Variants in PTPRQ observed in about 807,000 individuals in gnomAD.
PTPRQ encodes protein tyrosine phosphatase receptor type Q.
A neutral mutation model predicts 246.0 loss-of-function variants in PTPRQ; 199 were observed. That is an observed-to-expected ratio of 0.81 (90% CI 0.72 to 0.91). The LOEUF is 0.91. PTPRQ is among the 40% of genes least tolerant of loss of function. The probability of loss-of-function intolerance (pLI) is 0.00; values close to 1 mark genes in which losing one functional copy is unlikely to be tolerated. For missense variants in PTPRQ, 2,624 were observed against 2,528.4 expected, an observed-to-expected ratio of 1.04 and a Z score of -0.81; for synonymous variants, 869 against 853.2, an observed-to-expected ratio of 1.02 and a Z score of -0.32.
At chr12:80,653,433 T>C (rs1220652261) in intron 38 of PTPRQ, among the ~76,000 whole-genome samples, 1 of 152,224 alleles carries the variant, frequency 6.6e-6, no homozygotes, top group Non-Finnish European at 1.5e-5. Flanking sequence ...CTAATAACTA[T>C]ATGTTTGCTA....
chr12:80,563,697 C>T (rs1419546762), intron 25 of PTPRQ, among the ~76,000 whole-genome samples: 2 of 152,102 alleles, frequency 1.3e-5, no homozygotes, highest in Non-Finnish European at 2.9e-5. Context: ...TTTTGGCTCC[C>T]TACTAAGTCT....
In PTPRQ at chr12:80,648,282, G is replaced by A. The variant is rs568954516; in HGVS notation, c.5916-615G>A. Among the ~76,000 whole-genome samples the A allele has an allele frequency of 2.0e-5, 3 of 152,116 alleles. No homozygotes were observed. In the South Asian group the frequency reaches 6.2e-4, roughly 32 times the overall value. ...TGTGCATGACGTAAGTGTTATTAAT[G>A]ATACGCCCCTCTCTAAGTTTGTGTA... On this transcript the variant is annotated intron_variant, in intron 35 of 44. Transcript: ENST00000644991.
At chr12:80,556,562 A>T (rs961243475) in intron 25 of PTPRQ, among the ~76,000 whole-genome samples, 14 of 152,202 alleles carry the variant, frequency 9.2e-5, no homozygotes, top group African/African-American at 3.4e-4. Context: ...ATAGATCAAT[A>T]AAAGTCAGGT....
At chr12:80,574,504 C>G (rs1413837314) in intron 25 of PTPRQ, among the ~76,000 whole-genome samples, 1 of 151,972 alleles carries the variant, frequency 6.6e-6, no homozygotes, top group Admixed American at 6.6e-5. Flanking sequence ...TTCTTTCTTG[C>G]CTTCTACTGG....
intron 22 of PTPRQ, 115 bp downstream of exon 22, chr12:80,542,479 T>G: frequency 7.2e-7 from 1 of 1,390,370 alleles, no homozygotes; most frequent in South Asian, 1.6e-5. Flanking sequence ...TGTAACAGCC[T>G]TACCATTATA....
chr12:80,568,690 A>G (rs888861166), intron 25 of PTPRQ, among the ~76,000 whole-genome samples: 12 of 152,190 alleles, frequency 7.9e-5, no homozygotes, highest in Non-Finnish European at 7.3e-5. Flanking sequence ...GTTAGCCAAT[A>G]TGTGTCACAC....
At chr12:80,509,584 T>G (rs1895064873) in intron 16 of PTPRQ, among the ~76,000 whole-genome samples, 1 of 152,108 alleles carries the variant, frequency 6.6e-6, no homozygotes, top group Non-Finnish European at 1.5e-5. Flanking sequence ...AGCTGAGAAA[T>G]GTCATTCTAA....
intron 43 of PTPRQ, among the ~76,000 whole-genome samples, chr12:80,676,516 C>T (rs745989505): frequency 1.3e-5 from 2 of 152,166 alleles, no homozygotes; most frequent in Non-Finnish European, 2.9e-5. Context: ...GTGGCGCGTG[C>T]CTGTAATCCC....
intron 33 of PTPRQ, among the ~76,000 whole-genome samples, chr12:80,628,531 A>G (rs1472036509): frequency 3.9e-5 from 6 of 152,224 alleles, no homozygotes; most frequent in Admixed American, 3.3e-4. Flanking sequence ...GTTGTGCTTA[A>G]TAATTTTTAT....
chr12:80,498,174 A>AT (rs1217941669), intron 14 of PTPRQ, among the ~76,000 whole-genome samples: 1 of 152,010 alleles, frequency 6.6e-6, no homozygotes, highest in Non-Finnish European at 1.5e-5. Context: ...TGAAATAAGT[A>AT]TTTTTGAGAA....
chr12:80,546,507 A>G (rs1896309492), intron 23 of PTPRQ, 49 bp from the exon 24 acceptor site: 2 of 1,499,636 alleles, frequency 1.3e-6, no homozygotes, highest in South Asian at 1.3e-5. Flanking sequence ...CCATTGATGA[A>G]CAATTTTTTG....
chr12:80,532,564 T>C (rs1363355762), intron 17 of PTPRQ, among the ~76,000 whole-genome samples: 1 of 152,116 alleles, frequency 6.6e-6, no homozygotes, highest in African/African-American at 2.4e-5. Context: ...AGCTCTTCTG[T>C]AGTGTCCTGA....
chr12:80,661,811 T>C (rs1900644005), intron 39 of PTPRQ, among the ~76,000 whole-genome samples: 1 of 151,888 alleles, frequency 6.6e-6, no homozygotes, highest in Non-Finnish European at 1.5e-5. Context: ...AACCTTTACA[T>C]TTATAGAGCA....
At chr12:80,616,156 T>C (rs374320024) in intron 29 of PTPRQ, 44 bp from the exon 30 acceptor site, 3 of 1,404,448 alleles carry the variant, frequency 2.1e-6, no homozygotes, top group African/African-American at 3.0e-5. Flanking sequence ...CACACATACA[T>C]AAGCAATCAC....
rs142837585 is a variant in PTPRQ, at chr12:80,670,397, T to G, written c.6507T>G (p.His2169Gln). The change falls in exon 42 of 45, where the codon CAT becomes CAG. Residue 2169 changes from histidine (H) to glutamine (Q), a missense_variant. By Grantham distance (24) the His-to-Gln change is conservative. Coordinates refer to ENST00000644991, the MANE Select transcript of PTPRQ (RefSeq NM_001145026.2). ...GTAACTTTACTGCCTGGCCAGAGCA[T>G]GGGGTTCCTGAGAACAGCGCCCCTC... The part of the protein sequence containing the change: ...RQCNFTAWPE[H>Q]GVPENSAPLI... 4 of 1,551,142 alleles carry G rather than the reference T, an allele frequency of 2.6e-6. No homozygotes were observed. The highest frequency in any genetic ancestry group is 3.9e-5 in the Admixed American group (2 of 50,956).
At chr12:80,548,240 G>A (rs759665721) in intron 24 of PTPRQ, among the ~76,000 whole-genome samples, 15 of 151,600 alleles carry the variant, frequency 9.9e-5, no homozygotes, top group Admixed American at 2.0e-4. Context: ...AATATCAATG[G>A]TTAATTTTTT....
At chr12:80,617,422 T>G (rs2121121831) in intron 30 of PTPRQ, among the ~76,000 whole-genome samples, 1 of 151,592 alleles carries the variant, frequency 6.6e-6, no homozygotes, top group South Asian at 2.1e-4. Flanking sequence ...ATTATTTACT[T>G]TGGGAAGTAC....
At chr12:80,536,821 A>T (rs1896001822) in intron 19 of PTPRQ, among the ~76,000 whole-genome samples, 1 of 152,188 alleles carries the variant, frequency 6.6e-6, no homozygotes, top group South Asian at 2.1e-4. Flanking sequence ...TGCAAATTGG[A>T]GATTTTCCTT....
At chr12:80,529,739 T>A (rs1895789542) in intron 17 of PTPRQ, among the ~76,000 whole-genome samples, 1 of 152,164 alleles carries the variant, frequency 6.6e-6, no homozygotes. Context: ...ATTGAAGACT[T>A]TTTTTGGCGT....
Sources: gnomAD v4.1 joint callset for allele counts (sites outside exome capture counted in the v4.1 genomes callset) on GRCh38, gnomAD v4.1.1 for gene constraint, MANE v1.5 for transcripts, NCBI Gene and HGNC (gene_info 2026-07-23, HGNC 2026-07-21) for gene names.